The following ESS2 variants were observed in gnomAD, a reference collection of about 807,000 sequenced individuals.
ESS2 encodes ess-2 spliceosome associated protein, also known as splicing factor ESS-2 homolog.
Under a neutral mutation model 52.0 loss-of-function variants are expected in ESS2, and 31 were observed. The ratio of observed to expected loss-of-function variants is 0.60; its 90% CI spans 0.45 to 0.81. The LOEUF (loss-of-function observed/expected upper bound fraction) is 0.81, where lower values mean the gene tolerates loss of function less well. Among genes scored for constraint, ESS2 ranks in the 30% least tolerant of loss-of-function variants. The pLI, the probability that ESS2 is intolerant of heterozygous loss-of-function variation, is 0.00. For missense variants in ESS2, 602 were observed against 637.2 expected, an observed-to-expected ratio of 0.94 and a Z score of 0.59; for synonymous variants, 285 against 259.2, an observed-to-expected ratio of 1.10 and a Z score of -0.95.
At chr22:19,144,251 CAG>C (rs1299011048) in intron 1 of ESS2, 1 of 1,272,640 alleles carries the variant, frequency 7.9e-7, no homozygotes, top group Non-Finnish European at 9.9e-7. Context: ...CACACTTTAA[CAG>C]AAAATCTTCT....
Position 19,131,690 on chromosome 22 carries a change from C to A in ESS2, c.*2506G>T, listed in dbSNP as rs2083508946. ...TCATGGAGCTTGGCGTCCAGGGCGA[C>A]CTCCTCGAGTTCATCAAGTGCCAGG... On this transcript the variant is annotated 3_prime_UTR_variant, in exon 10 of 10. Coordinates refer to ENST00000252137, the MANE Select transcript of ESS2 (RefSeq NM_022719.3). This position sits in a 1 kb window ranked among gnomAD's most constrained non-coding sequence, Gnocchi z 5.7. 1 of 1,614,112 alleles carries A rather than the reference C, an allele frequency of 6.2e-7. No individual in the cohort carries two copies. The highest frequency in any genetic ancestry group is 8.5e-7 in the Non-Finnish European group (1 of 1,180,002).
At chr22:19,143,968 A>G (rs758856629) in intron 1 of ESS2, 6 of 917,728 alleles carry the variant, frequency 6.5e-6, no homozygotes, top group African/African-American at 1.8e-5. Flanking sequence ...CCCGAGCTGC[A>G]TATCTGGGCA....
Position 19,132,298 on chromosome 22 carries a change from A to G in ESS2, c.*1898T>C, listed in dbSNP as rs2083517424. 6.2e-7 allele frequency: 1 copy of G among 1,613,386 alleles called. No individual in the cohort carries two copies. Among genetic ancestry groups the G allele is most frequent in the Admixed American group, 1.7e-5 (1 of 59,990 alleles). On this transcript the variant is annotated 3_prime_UTR_variant, in exon 10 of 10. Coordinates refer to ENST00000252137, the MANE Select transcript of ESS2 (RefSeq NM_022719.3). The surrounding 1 kb of genome is among the most constrained non-coding windows in gnomAD (Gnocchi z 4.2). ...AAGTACCGCGCTGAGTGCAAACTGG[A>G]CACCAAGACAGGCTTGAGGCCCGAC...
Position 19,134,485 on chromosome 22 carries a change from A to C in ESS2, c.1152-10T>G, listed in dbSNP as rs1407224909. 6.5e-7 allele frequency: 1 copy of C among 1,527,968 alleles called. No individual in the cohort carries two copies. Among genetic ancestry groups the C allele is most frequent in the Non-Finnish European group, 8.8e-7 (1 of 1,135,884 alleles). 94.7% of individuals were successfully genotyped at this position (1,527,968 alleles called of 1,614,324 possible). A position where few individuals can be genotyped will look rare whatever the true frequency, so the allele number is the denominator to read the frequency against. On this transcript the variant is annotated splice_polypyrimidine_tract_variant and intron_variant, in intron 9 of 9. Transcript: ENST00000252137. ...GCCTTTGGGGGTGAGGCTGGGGTGGAGGAATGGGTGAGAGAGGCAGGGTTA... is the reference window on the plus strand; with the variant it reads ...GCCTTTGGGGGTGAGGCTGGGGTGGCGGAATGGGTGAGAGAGGCAGGGTTA...
chr22:19,143,385 A>G (rs1042968242), intron 1 of ESS2, among the ~76,000 whole-genome samples: 2 of 152,040 alleles, frequency 1.3e-5, no homozygotes, highest in Non-Finnish European at 2.9e-5. Flanking sequence ...AGCATCCCAT[A>G]TGGTAGCCAT....
At position 19,142,642 on chromosome 22, in the gene ESS2, AGAGAGGGG is replaced by A. The variant is rs2083708724; in HGVS notation, c.305-17_305-10del. The A allele has an allele frequency of 6.2e-7, 1 of 1,611,644 alleles. No individual in the cohort carries two copies. Among genetic ancestry groups the A allele is most frequent in the Non-Finnish European group, 8.5e-7 (1 of 1,179,010 alleles). ...TGTGGCTGGAGTCACATCTAGGGGA[AGAGAGGGG>A]GATAAGAATTAGAGTGAGCCTGAAG... On this transcript the variant is annotated splice_polypyrimidine_tract_variant and intron_variant, in intron 2 of 9. Coordinates refer to ENST00000252137, the MANE Select transcript of ESS2 (RefSeq NM_022719.3).
rs777313231 is a variant in ESS2 at position 19,135,138 on chromosome 22, T to C, written c.1073A>G (p.Lys358Arg). The C allele has an allele frequency of 9.3e-6, 15 of 1,613,942 alleles. No individual in the cohort carries two copies. Among genetic ancestry groups the C allele is most frequent in the South Asian group, 8.8e-5 (8 of 91,070 alleles). Reference protein sequence around the residue: ...EPGRRERLGLKMANEAAAKNR... With the variant: ...EPGRRERLGLRMANEAAAKNR... ...CTTGGCAGCGGCCTCGTTGGCCATC[T>C]TCAGACCCAGCCGCTCCCTGCGGCC... is the stretch of plus-strand genomic sequence containing the variant. Residue 358 changes from lysine to arginine, a missense_variant, in exon 9 of 10, where the codon AAG becomes AGG. By Grantham distance (26) the Lys-to-Arg change is conservative. Transcript: ENST00000252137.
At chr22:19,141,980 ACT>A (rs1327254147) in intron 3 of ESS2, among the ~76,000 whole-genome samples, 8 of 152,108 alleles carry the variant, frequency 5.3e-5, no homozygotes, top group African/African-American at 1.9e-4. Context: ...ACAGAGCGAG[ACT>A]CTGTGTCAAA....
chr22:19,136,218 C>T (rs1019500827), intron 8 of ESS2, among the ~76,000 whole-genome samples: 9 of 151,672 alleles, frequency 5.9e-5, no homozygotes, highest in South Asian at 2.1e-4. Flanking sequence ...AAAAATAAGC[C>T]GGGCGTGGTG....
chr22:19,131,587 T>A lies in ESS2; in HGVS notation c.*2609A>T, dbSNP rs1162869038. The A allele has an allele frequency of 6.2e-7, 1 of 1,614,102 alleles. No individual in the cohort carries two copies. The highest frequency in any genetic ancestry group is 8.5e-7 in the Non-Finnish European group (1 of 1,180,026). ...AGATTCCTTCCTCGGGAGATGGACA[T>A]CCTGGCAACTGTCAACCACGGCTCC... On this transcript the variant is annotated 3_prime_UTR_variant, in exon 10 of 10. Coordinates refer to ENST00000252137, the MANE Select transcript of ESS2 (RefSeq NM_022719.3). The surrounding 1 kb of genome is among the most constrained non-coding windows in gnomAD (Gnocchi z 5.7).
rs949777513 is a variant in ESS2 at position 19,142,741 on chromosome 22, C to G, written c.289G>C (p.Glu97Gln). Residue 97 changes from glutamate to glutamine, a missense_variant, in exon 2 of 10, where the codon GAG (glutamate) becomes CAG (glutamine). Physicochemically the swap from Glu to Gln is conservative, Grantham distance 29. Coordinates refer to ENST00000252137, the MANE Select transcript of ESS2 (RefSeq NM_022719.3). ...GTCCTCATACAGGGTGGCGGGGGCT[C>G]CCGGGACATCTTGCCCAAGGCAGAG... ...FGSALGKMSR[E>Q]PPPPYVTPAT... The G allele has an allele frequency of 6.2e-7, 1 of 1,613,884 alleles. No individual in the cohort carries two copies. Among genetic ancestry groups the G allele is most frequent in the Non-Finnish European group, 8.5e-7 (1 of 1,179,936 alleles).
chr22:19,139,598 G>A lies in ESS2; in HGVS notation c.688+14C>T. ...CCAACACCTCCCCATTTGGCTGCGA[G>A]GCCCGCCACTTACCCTCTGGATAGT... On this transcript the variant is annotated intron_variant, in intron 5 of 9. Transcript: ENST00000252137. 2 of 1,610,086 alleles carry A rather than the reference G, an allele frequency of 1.2e-6. No homozygotes were observed. The highest frequency in any genetic ancestry group is 1.7e-6 in the Non-Finnish European group (2 of 1,176,284).
chr22:19,137,161 C>T (rs2083597149), intron 8 of ESS2, among the ~76,000 whole-genome samples, 162 bp downstream of exon 8: 1 of 152,124 alleles, frequency 6.6e-6, no homozygotes, highest in African/African-American at 2.4e-5. Flanking sequence ...ACAGGTCCAC[C>T]CACCCACACC....
At chr22:19,139,365 T>C in intron 5 of ESS2, 73 bp from the exon 6 acceptor site, 1 of 1,496,064 alleles carries the variant, frequency 6.7e-7, no homozygotes, top group Non-Finnish European at 8.9e-7. Flanking sequence ...AGCTCGCTTC[T>C]CGGCCAAGTC....
Position 19,131,474 on chromosome 22 carries a change from A to C in ESS2, c.*2722T>G, listed in dbSNP as rs1202844042. The C allele has an allele frequency of 6.2e-7, 1 of 1,614,118 alleles. No individual in the cohort carries two copies. The highest frequency in any genetic ancestry group is 8.5e-7 in the Non-Finnish European group (1 of 1,180,026). ...ATCTTGGCAAGGGTTCCTACGCAAA[A>C]GTCAAATCTGCCTACTCTGAGCGCC... On this transcript the variant is annotated 3_prime_UTR_variant, in exon 10 of 10. Coordinates refer to ENST00000252137, the MANE Select transcript of ESS2 (RefSeq NM_022719.3). This position sits in a 1 kb window ranked among gnomAD's most constrained non-coding sequence, Gnocchi z 5.7.
At chr22:19,138,389 C>T (rs745964617) in intron 6 of ESS2, 72 bp from the exon 7 acceptor site, 28 of 1,366,692 alleles carry the variant, frequency 2.0e-5, no homozygotes, top group African/African-American at 7.2e-5. Context: ...TGGGCAAACA[C>T]GTGGGAACAT....
intron 3 of ESS2, among the ~76,000 whole-genome samples, chr22:19,141,523 T>C (rs1033289286): frequency 6.6e-6 from 1 of 151,374 alleles, no homozygotes; most frequent in African/African-American, 2.5e-5. Flanking sequence ...CCAGCAAACA[T>C]GCTGAAGATG....
In ESS2 at chr22:19,131,534, CAAG is replaced by C; in HGVS notation, c.*2659_*2661del. The C allele has an allele frequency of 6.2e-7, 1 of 1,614,166 alleles. No homozygotes were observed. Among genetic ancestry groups the C allele is most frequent in the South Asian group, 1.1e-5 (1 of 91,086 alleles). ...ATGTGGCTGTCAAGATCATCGACCGCAAGAAAACACCTACTGACTTTGTGGAGA... is the reference window on the plus strand; with the variant it reads ...ATGTGGCTGTCAAGATCATCGACCGCAAAACACCTACTGACTTTGTGGAGA... On this transcript the variant is annotated 3_prime_UTR_variant, in exon 10 of 10. Transcript: ENST00000252137. The surrounding 1 kb of genome is among the most constrained non-coding windows in gnomAD (Gnocchi z 5.7).
intron 1 of ESS2, among the ~76,000 whole-genome samples, chr22:19,143,183 C>A (rs998918929): frequency 2.4e-5 from 3 of 127,140 alleles, no homozygotes; most frequent in Admixed American, 1.0e-4. Flanking sequence ...CCAGCCTGGG[C>A]GACAGAGCGA....
Sources: allele counts gnomAD v4.1 joint callset (sites outside exome capture counted in the v4.1 genomes callset), GRCh38; gene constraint gnomAD v4.1.1; non-coding constraint Gnocchi (gnomAD v3.1); transcripts MANE v1.5; gene names NCBI Gene and HGNC (gene_info 2026-07-23, HGNC 2026-07-21).